The following SH3PXD2B variants were observed in gnomAD, a reference collection of about 807,000 sequenced individuals.
The protein encoded by SH3PXD2B is SH3 and PX domains 2B.
SH3PXD2B carries 37 observed loss-of-function variants against 73.1 expected under a neutral mutation model. The observed-to-expected ratio is 0.51, with a 90% confidence interval of 0.39 to 0.67. The LOEUF is 0.67. Ranked by LOEUF, SH3PXD2B falls within the 30% of genes least tolerant of loss-of-function variation. SH3PXD2B has a pLI of 0.00. For synonymous variants in SH3PXD2B, 457 were observed against 480.5 expected (o/e 0.95, Z 0.64); for missense variants, 1,053 against 1,197.8 (o/e 0.88, Z 1.78).
At chr5:172,369,576 T>C (rs1757656202) in intron 6 of SH3PXD2B, among the ~76,000 whole-genome samples, 1 of 152,124 alleles carries the variant, frequency 6.6e-6, no homozygotes, top group South Asian at 2.1e-4. Context: ...GAGACCAGCC[T>C]GGCCAACATA....
At chr5:172,330,555 GGCTGATTAT>G (rs1476036248), downstream of SH3PXD2B, among the ~76,000 whole-genome samples, 2 of 152,180 alleles carry the variant, frequency 1.3e-5, no homozygotes, top group African/African-American at 4.8e-5. Flanking sequence ...GTATGTAAGA[GGCTGATTAT>G]GCTTACATAA....
chr5:172,382,895 A>ATT (rs5873322), intron 4 of SH3PXD2B, among the ~76,000 whole-genome samples: 33 of 143,338 alleles, frequency 2.3e-4, no homozygotes, highest in African/African-American at 7.1e-4. Context: ...TGCCTGGCTA[A>ATT]TTTTTTTTTT....
intron 5 of SH3PXD2B, among the ~76,000 whole-genome samples, chr5:172,377,729 C>G (rs1420376958): frequency 6.6e-6 from 1 of 152,216 alleles, no homozygotes; most frequent in Non-Finnish European, 1.5e-5. Context: ...TACATATACT[C>G]CAGCATGATG....
intron 5 of SH3PXD2B, among the ~76,000 whole-genome samples, chr5:172,378,584 C>T (rs1258199256): frequency 1.3e-5 from 2 of 152,194 alleles, no homozygotes; most frequent in Admixed American, 6.5e-5. Context: ...ATACTACCCT[C>T]GTGGCTGCTG....
chr5:172,424,503 T>C (rs182816023), intron 1 of SH3PXD2B, among the ~76,000 whole-genome samples: 4 of 152,292 alleles, frequency 2.6e-5, no homozygotes, highest in East Asian at 1.9e-4. Flanking sequence ...CAGAAAAAGA[T>C]AGAACAACTT....
At chr5:172,383,398 C>A (rs1234167647) in intron 4 of SH3PXD2B, among the ~76,000 whole-genome samples, 3 of 152,174 alleles carry the variant, frequency 2.0e-5, no homozygotes, top group Admixed American at 6.5e-5. Flanking sequence ...ATTCAATGAG[C>A]AAAAATTTTC....
intron 1 of SH3PXD2B, among the ~76,000 whole-genome samples, chr5:172,430,671 GA>G (rs1759214001): frequency 6.6e-6 from 1 of 152,244 alleles, no homozygotes; most frequent in Non-Finnish European, 1.5e-5. Flanking sequence ...ACATTGAGAG[GA>G]AGAGTGACAC....
intron 10 of SH3PXD2B, among the ~76,000 whole-genome samples, chr5:172,348,654 CCTATCTATCTATCTATCTAT>C (rs55939833): frequency 0.01 from 634 of 60,432 alleles, 10 homozygotes; most frequent in African/African-American, 0.036. Flanking sequence ...ATCTATCTAT[CCTATCTATCTATCTATCTAT>C]CTATCTATCT....
rs1756691731 is a variant in SH3PXD2B at position 172,336,387 on chromosome 5, C to T, written c.*1982G>A. On this transcript the variant is annotated 3_prime_UTR_variant, in exon 13 of 13. Transcript: ENST00000311601. Reference sequence around the variant, plus strand: ...CCCTGGCTGCCATCTGCCCCCAACGCTCTGGGCACAGGGCCAAGTGGCAAG... The same window carrying T: ...CCCTGGCTGCCATCTGCCCCCAACGTTCTGGGCACAGGGCCAAGTGGCAAG... The T allele has an allele frequency of 1.0e-6, 1 of 985,936 alleles. No individual in the cohort carries two copies. The highest frequency in any genetic ancestry group is 4.7e-5 in the South Asian group (1 of 21,294). The allele number at this position is 985,936 out of a possible 1,614,324, so 61.1% of individuals were successfully genotyped here.
chr5:172,329,083 A>ATTTTTT (rs1164155218), downstream of SH3PXD2B, among the ~76,000 whole-genome samples: 420 of 61,788 alleles, frequency 6.8e-3, 16 homozygotes, highest in African/African-American at 0.018. Flanking sequence ...ATATATATAT[A>ATTTTTT]TTTTTTTTTT....
intron 6 of SH3PXD2B, among the ~76,000 whole-genome samples, chr5:172,363,154 T>G (rs1757435995): frequency 6.6e-6 from 1 of 152,162 alleles, no homozygotes; most frequent in South Asian, 2.1e-4. Context: ...TCATTCATAC[T>G]TAGCCATCCC....
chr5:172,372,977 A>AC (rs1347275014), intron 6 of SH3PXD2B, among the ~76,000 whole-genome samples: 1 of 151,874 alleles, frequency 6.6e-6, no homozygotes, highest in Non-Finnish European at 1.5e-5. Flanking sequence ...AAATGTATAA[A>AC]CCCCAGGGGA....
chr5:172,401,005 C>T (rs1758410203), intron 3 of SH3PXD2B, among the ~76,000 whole-genome samples: 1 of 152,198 alleles, frequency 6.6e-6, no homozygotes. Flanking sequence ...GCACTGGCCA[C>T]CACTGCTGGA....
At chr5:172,454,076 A>C (rs1759867085) in intron 1 of SH3PXD2B, among the ~76,000 whole-genome samples, 1 of 138,900 alleles carries the variant, frequency 7.2e-6, no homozygotes. Context: ...GGAGGGGGAG[A>C]ACGAGGCAAA....
At chr5:172,368,468 T>TATATA (rs1327821682) in intron 6 of SH3PXD2B, among the ~76,000 whole-genome samples, 1 of 12,994 alleles carries the variant, frequency 7.7e-5, no homozygotes, top group Non-Finnish European at 1.2e-4. Context: ...TATATATATA[T>TATATA]TATATATATA....
In SH3PXD2B at chr5:172,358,884, A is replaced by G; in HGVS notation, c.563-7T>C. On this transcript the variant is annotated splice_polypyrimidine_tract_variant and splice_region_variant and intron_variant, in intron 7 of 12. Coordinates refer to ENST00000311601, the MANE Select transcript of SH3PXD2B (RefSeq NM_001017995.3). ...GTGCTGACGAACCACCAACCTGGGG[A>G]AGCAAGAGTGCAGAATGATGTTAGT... The G allele has an allele frequency of 6.2e-7, 1 of 1,613,594 alleles. No homozygotes were observed. The highest frequency in any genetic ancestry group is 1.1e-5 in the South Asian group (1 of 90,966).
intron 5 of SH3PXD2B, among the ~76,000 whole-genome samples, chr5:172,378,162 G>C (rs549811876): frequency 6.6e-6 from 1 of 152,304 alleles, no homozygotes; most frequent in East Asian, 1.9e-4. Flanking sequence ...CTTCTTGAAT[G>C]AAGATGACCA....
chr5:172,365,695 C>A lies in SH3PXD2B; in HGVS notation c.428-2826G>T, dbSNP rs144760399. Among the ~76,000 whole-genome samples, 1,099 of 152,358 alleles carry A rather than the reference C, an allele frequency of 7.2e-3. 6 individuals are homozygous for A. The highest frequency in any genetic ancestry group is 0.012 in the Non-Finnish European group (793 of 68,038). Reference sequence around the variant, plus strand: ...CCTGAGAGTGGGCTGCTTCACGTCCCCTTCCTGCTGGCCCCATTAACAATG... The same window carrying A: ...CCTGAGAGTGGGCTGCTTCACGTCCACTTCCTGCTGGCCCCATTAACAATG... On this transcript the variant is annotated intron_variant, in intron 6 of 12. Coordinates refer to ENST00000311601, the MANE Select transcript of SH3PXD2B (RefSeq NM_001017995.3).
In SH3PXD2B at chr5:172,445,663, G is replaced by A. The variant is rs1468063468; in HGVS notation, c.75+8615C>T. Among the ~76,000 whole-genome samples, 1 of 152,226 alleles carries A rather than the reference G, an allele frequency of 6.6e-6. No individual in the cohort carries two copies. The highest frequency in any genetic ancestry group is 1.5e-5 in the Non-Finnish European group (1 of 68,032). ...CATAAATATGTCCCAAATATTGCAT[G>A]TTTATTTGAAACCGAAATTGAACTG... is the stretch of plus-strand genomic sequence containing the variant. On this transcript the variant is annotated intron_variant, in intron 1 of 12. Coordinates refer to ENST00000311601, the MANE Select transcript of SH3PXD2B (RefSeq NM_001017995.3). The surrounding 1 kb of genome is among the most constrained non-coding windows in gnomAD (Gnocchi z 5.2).
Sources: gnomAD v4.1 joint callset for allele counts (sites outside exome capture counted in the v4.1 genomes callset) on GRCh38, gnomAD v4.1.1 for gene constraint, Gnocchi (gnomAD v3.1) non-coding constraint, MANE v1.5 for transcripts, NCBI Gene and HGNC (gene_info 2026-07-23, HGNC 2026-07-21) for gene names.